The following TDRD10 variants were observed in gnomAD, a reference collection of about 807,000 sequenced individuals.
TDRD10 encodes tudor domain-containing protein 10.
A neutral mutation model predicts 48.0 loss-of-function variants in TDRD10; 40 were observed. That is an observed-to-expected ratio of 0.83 (90% CI 0.65 to 1.09). The LOEUF (loss-of-function observed/expected upper bound fraction) is 1.09. Ranked by LOEUF, TDRD10 falls within the 50% of genes least tolerant of loss-of-function variation. The pLI is 0.00. For synonymous variants in TDRD10, 162 were observed against 170.4 expected (o/e 0.95, Z 0.38); for missense variants, 378 against 434.7 (o/e 0.87, Z 1.16).
At position 154,548,021 on chromosome 1, in the gene TDRD10, A is replaced by G. The variant is rs778836023; in HGVS notation, c.*311A>G. On this transcript the variant is annotated 3_prime_UTR_variant, in exon 13 of 13. Transcript: ENST00000368482. ...GTGTCTCTTCTTTGCACCCCAGAGC[A>G]TGATATAAGTGGTCCTAACAGATTC... is the stretch of plus-strand genomic sequence containing the variant. 2 of 471,580 alleles carry G rather than the reference A, an allele frequency of 4.2e-6. No homozygotes were observed. Among genetic ancestry groups the G allele is most frequent in the Non-Finnish European group, 7.6e-6 (2 of 264,082 alleles). 29.2% of individuals were successfully genotyped at this position (471,580 alleles called of 1,614,324 possible).
chr1:154,508,482 G>GTATT lies in TDRD10; in HGVS notation c.141+6_141+9dup. 1 of 1,597,640 alleles carries GTATT rather than the reference G, an allele frequency of 6.3e-7. No homozygotes were observed. Among genetic ancestry groups the GTATT allele is most frequent in the Non-Finnish European group, 8.6e-7 (1 of 1,165,068 alleles). On this transcript the variant is annotated splice_donor_variant, in intron 4 of 12. Transcript: ENST00000368482. LOFTEE classifies it high-confidence loss of function. ...CAATCTTCCACTGGATATTTCTAAGGTATTTATTCTTCACAATAGGCTGCT... is the reference window on the plus strand; with the variant it reads ...CAATCTTCCACTGGATATTTCTAAGGTATTTATTTATTCTTCACAATAGGCTGCT...
At chr1:154,509,489 C>G (rs574620889) in intron 4 of TDRD10, among the ~76,000 whole-genome samples, 1 of 152,136 alleles carries the variant, frequency 6.6e-6, no homozygotes, top group African/African-American at 2.4e-5. Flanking sequence ...TGAGAGGTCA[C>G]GTCCCGCAGC....
intron 8 of TDRD10, 22 bp downstream of exon 8, chr1:154,542,843 C>A (rs758251078): frequency 6.9e-6 from 11 of 1,595,992 alleles, no homozygotes; most frequent in Non-Finnish European, 9.4e-6. Flanking sequence ...ATAGAAAGAC[C>A]ACCAGGGCAA....
intron 4 of TDRD10, among the ~76,000 whole-genome samples, chr1:154,519,655 G>A (rs1306206392): frequency 1.3e-5 from 2 of 152,214 alleles, no homozygotes; most frequent in Non-Finnish European, 2.9e-5. Flanking sequence ...GCATTAGGTG[G>A]AGACGGCTCT....
intron 1 of TDRD10, among the ~76,000 whole-genome samples, chr1:154,506,476 A>G (rs978825566): frequency 2.6e-5 from 4 of 151,906 alleles, no homozygotes; most frequent in African/African-American, 9.7e-5. Flanking sequence ...CCCGAGTTCA[A>G]GCAATTCTCC....
rs766000528 is a variant in TDRD10 at position 154,521,389 on chromosome 1, A to G, written c.279A>G (p.Lys93=). The G allele has an allele frequency of 3.4e-5, 55 of 1,613,818 alleles. 1 individual carries two copies. The South Asian group carries it at 5.8e-4, about 17-fold the overall frequency. Residue 93 remains lysine, a synonymous_variant, in exon 6 of 13, where the codon AAA becomes AAG. Transcript: ENST00000368482. ...TTGCAATCCAGGAGCTGAATGGTAA[A>G]CTCTTCCACAAGCGAAAACTGTTCG... ...VTLAIQELNG[K]LFHKRKLFVN... is the part of the protein sequence containing the mutation.
intron 4 of TDRD10, chr1:154,509,973 C>G: frequency 1.7e-6 from 1 of 604,550 alleles, no homozygotes; most frequent in Non-Finnish European, 2.1e-6. Context: ...CTGTCCCACA[C>G]CATGGTAAGG....
intron 6 of TDRD10, among the ~76,000 whole-genome samples, chr1:154,533,350 TG>T (rs1694748453): frequency 1.4e-5 from 2 of 139,376 alleles, no homozygotes; most frequent in African/African-American, 2.6e-5. Context: ...AGGCTTTTGT[TG>T]GGTTTTTTTT....
chr1:154,537,892 A>G (rs1343571502), intron 6 of TDRD10, among the ~76,000 whole-genome samples: 2 of 152,208 alleles, frequency 1.3e-5, no homozygotes, highest in East Asian at 3.8e-4. Context: ...TGATCTGGGC[A>G]TGAGGGTGAC....
chr1:154,506,656 G>C (rs144237734), intron 1 of TDRD10, among the ~76,000 whole-genome samples: 20 of 152,322 alleles, frequency 1.3e-4, no homozygotes, highest in Admixed American at 4.6e-4. Context: ...GGTTACAGGC[G>C]TGAGCCACAG....
At position 154,543,945 on chromosome 1, in the gene TDRD10, C is replaced by G; in HGVS notation, c.504-18C>G. On this transcript the variant is annotated intron_variant, in intron 8 of 12. Transcript: ENST00000368482. ...GGTCCAGTCGTTCCTTTCCTTGCTC[C>G]CCTTGCTCTTCCCGCAGAGGGTCCT... 1 of 1,613,520 alleles carries G rather than the reference C, an allele frequency of 6.2e-7. No homozygotes were observed. Among genetic ancestry groups the G allele is most frequent in the East Asian group, 2.2e-5 (1 of 44,868 alleles).
At chr1:154,503,347 G>A (rs1048502161) in intron 1 of TDRD10, among the ~76,000 whole-genome samples, 5 of 152,168 alleles carry the variant, frequency 3.3e-5, no homozygotes, top group Non-Finnish European at 7.3e-5. Flanking sequence ...CAGCACTTTG[G>A]GAGGCCGAGG....
intron 12 of TDRD10, 45 bp from the exon 13 acceptor site, chr1:154,547,633 C>G (rs370366412): frequency 6.2e-7 from 1 of 1,614,178 alleles, no homozygotes; most frequent in South Asian, 1.1e-5. Context: ...TGAACTGGCT[C>G]GGGTGGGCCT....
intron 1 of TDRD10, among the ~76,000 whole-genome samples, chr1:154,503,798 A>G (rs533191521): frequency 1.3e-5 from 2 of 152,334 alleles, no homozygotes; most frequent in South Asian, 4.1e-4. Flanking sequence ...GAGGTGGGAA[A>G]GCTAAAATGA....
intron 4 of TDRD10, among the ~76,000 whole-genome samples, chr1:154,510,372 C>T (rs1693391227): frequency 1.3e-5 from 2 of 151,986 alleles, no homozygotes; most frequent in African/African-American, 4.8e-5. Flanking sequence ...GCGGGCAAAT[C>T]ACAAGGTCAG....
intron 3 of TDRD10, among the ~76,000 whole-genome samples, chr1:154,508,175 G>A (rs558348636): frequency 6.6e-6 from 1 of 152,178 alleles, no homozygotes; most frequent in South Asian, 2.1e-4. Flanking sequence ...ATGGGGGTGG[G>A]AGGATGTTTG....
At chr1:154,514,656 C>A (rs1693655558) in intron 4 of TDRD10, among the ~76,000 whole-genome samples, 1 of 152,106 alleles carries the variant, frequency 6.6e-6, no homozygotes, top group African/African-American at 2.4e-5. Flanking sequence ...ACCTGTATTA[C>A]TGCCAGGGAT....
chr1:154,531,088 G>T (rs1205259016), intron 6 of TDRD10, among the ~76,000 whole-genome samples: 1 of 152,090 alleles, frequency 6.6e-6, no homozygotes, highest in Non-Finnish European at 1.5e-5. Context: ...TGATCCGCCT[G>T]CCTCAGCCTC....
intron 2 of TDRD10, 58 bp from the exon 3 acceptor site, chr1:154,507,183 T>C (rs934546739): frequency 1.5e-5 from 24 of 1,610,922 alleles, no homozygotes; most frequent in Middle Eastern, 1.8e-4. Flanking sequence ...GCCTGACACG[T>C]TTCCTTTTGT....
Sources: allele counts gnomAD v4.1 joint callset (sites outside exome capture counted in the v4.1 genomes callset), GRCh38; gene constraint gnomAD v4.1.1; transcripts MANE v1.5; gene names NCBI Gene and HGNC (gene_info 2026-07-23, HGNC 2026-07-21).